NKAIN2: variants seen among roughly 807,000 people sequenced by gnomAD.
The protein encoded by NKAIN2 is sodium/potassium transporting ATPase interacting 2.
Under a neutral mutation model 32.6 loss-of-function variants are expected in NKAIN2, and 14 were observed. The ratio of observed to expected loss-of-function variants is 0.43; its 90% CI spans 0.28 to 0.67. The LOEUF (loss-of-function observed/expected upper bound fraction) is 0.67, where lower values mean the gene tolerates loss of function less well. NKAIN2 is among the 30% of genes least tolerant of loss of function. NKAIN2 has a pLI of 0.17. For synonymous variants in NKAIN2, 80 were observed against 87.2 expected (o/e 0.92, Z 0.46); for missense variants, 198 against 258.3 (o/e 0.77, Z 1.60).
At chr6:124,072,007 A>G (rs1456286876) in intron 1 of NKAIN2, among the ~76,000 whole-genome samples, 1 of 152,216 alleles carries the variant, frequency 6.6e-6, no homozygotes, top group Non-Finnish European at 1.5e-5. Context: ...TTTTTCTACC[A>G]AAATGACACA....
At chr6:124,416,838 C>T (rs916570976) in intron 3 of NKAIN2, among the ~76,000 whole-genome samples, 1 of 152,022 alleles carries the variant, frequency 6.6e-6, no homozygotes, top group African/African-American at 2.4e-5. Flanking sequence ...GGAGCCTGAA[C>T]TCCACCCTCA....
intron 5 of NKAIN2, among the ~76,000 whole-genome samples, chr6:124,795,962 T>C (rs897194259): frequency 1.3e-5 from 2 of 152,138 alleles, no homozygotes; most frequent in Admixed American, 6.5e-5. Context: ...TTTTTTTCCA[T>C]TGAAAAAAAT....
intron 5 of NKAIN2, among the ~76,000 whole-genome samples, chr6:124,795,137 A>G (rs1053559899): frequency 2.0e-5 from 3 of 152,178 alleles, no homozygotes; most frequent in Non-Finnish European, 4.4e-5. Context: ...TGCTTGCCAA[A>G]TTGGTTAAGT....
chr6:124,149,818 G>C (rs1312063734), intron 1 of NKAIN2, among the ~76,000 whole-genome samples: 4 of 147,668 alleles, frequency 2.7e-5, no homozygotes, highest in Non-Finnish European at 6.2e-5. Context: ...TGCAGTGTAA[G>C]AGCAGTTAGG....
chr6:124,794,411 T>C (rs146248399), intron 5 of NKAIN2, among the ~76,000 whole-genome samples: 1 of 152,302 alleles, frequency 6.6e-6, no homozygotes, highest in Non-Finnish European at 1.5e-5. Context: ...CAATATCTGT[T>C]GAAAGATCAA....
chr6:124,501,451 A>T (rs1778287363), intron 3 of NKAIN2, among the ~76,000 whole-genome samples: 1 of 152,206 alleles, frequency 6.6e-6, no homozygotes, highest in South Asian at 2.1e-4. Context: ...AGAAAGAAAA[A>T]AAACAAAACA....
chr6:124,363,283 TTAAAG>T (rs1411461032), intron 3 of NKAIN2, among the ~76,000 whole-genome samples: 1 of 152,198 alleles, frequency 6.6e-6, no homozygotes, highest in Non-Finnish European at 1.5e-5. Context: ...CAGAGATCTG[TTAAAG>T]TAATGACTAC....
intron 3 of NKAIN2, among the ~76,000 whole-genome samples, chr6:124,515,552 C>T (rs1346208585): frequency 1.3e-5 from 2 of 151,988 alleles, no homozygotes; most frequent in South Asian, 2.1e-4. Context: ...CAGCTCCCCC[C>T]AGGAAGGGCA....
chr6:123,969,635 G>T (rs575876115), intron 1 of NKAIN2, among the ~76,000 whole-genome samples: 30 of 152,276 alleles, frequency 2.0e-4, no homozygotes, highest in African/African-American at 6.3e-4. Context: ...GAAGAGAGTT[G>T]CACAGAGACC....
intron 1 of NKAIN2, among the ~76,000 whole-genome samples, chr6:123,998,457 G>A (rs1001842690): frequency 2.0e-5 from 3 of 152,094 alleles, no homozygotes; most frequent in Non-Finnish European, 2.9e-5. Flanking sequence ...AACTAGAACT[G>A]GAGAAAGCTG....
intron 1 of NKAIN2, among the ~76,000 whole-genome samples, chr6:124,175,810 T>C (rs776167608): frequency 2.6e-5 from 4 of 152,212 alleles, no homozygotes; most frequent in African/African-American, 4.8e-5. Context: ...AATAAACTTG[T>C]TGCTCCACCA....
chr6:124,243,255 G>A (rs1303880386), intron 1 of NKAIN2, among the ~76,000 whole-genome samples: 2 of 151,916 alleles, frequency 1.3e-5, no homozygotes, highest in African/African-American at 4.8e-5. Context: ...AGCACTTTGG[G>A]AGGCCCAGGC....
chr6:123,845,839 A>G (rs1021178199), intron 1 of NKAIN2, among the ~76,000 whole-genome samples: 4 of 152,212 alleles, frequency 2.6e-5, no homozygotes, highest in Non-Finnish European at 4.4e-5. Context: ...AAAGCGTTCC[A>G]AGTGAAAATG....
At chr6:124,095,784 G>A (rs796959882) in intron 1 of NKAIN2, among the ~76,000 whole-genome samples, 11 of 152,148 alleles carry the variant, frequency 7.2e-5, no homozygotes, top group African/African-American at 2.4e-4. Context: ...ATGTTTTTCT[G>A]TAAGCTGATT....
intron 1 of NKAIN2, among the ~76,000 whole-genome samples, chr6:124,016,578 T>C (rs1299307514): frequency 2.4e-4 from 37 of 152,184 alleles, no homozygotes; most frequent in Non-Finnish European, 5.4e-4. Flanking sequence ...AATTTCACTT[T>C]CTCTGAGCCT....
intron 4 of NKAIN2, among the ~76,000 whole-genome samples, chr6:124,723,798 C>T (rs143669658): frequency 1.1e-4 from 17 of 152,294 alleles, no homozygotes; most frequent in African/African-American, 3.8e-4. Flanking sequence ...GCTGATTTTG[C>T]TTCAGCAAAA....
At chr6:124,485,918 G>A (rs907963324) in intron 3 of NKAIN2, among the ~76,000 whole-genome samples, 46 of 152,182 alleles carry the variant, frequency 3.0e-4, no homozygotes, top group African/African-American at 1.1e-3. Flanking sequence ...AGGTCAGGGT[G>A]ATGACTGACT....
intron 3 of NKAIN2, among the ~76,000 whole-genome samples, chr6:124,551,409 C>T (rs1348426283): frequency 1.3e-5 from 2 of 152,184 alleles, no homozygotes; most frequent in Admixed American, 1.3e-4. Flanking sequence ...ATCTTCTCTA[C>T]GTTTTTCTTC....
chr6:124,475,039 C>T (rs80278662), intron 3 of NKAIN2, among the ~76,000 whole-genome samples: 83 of 151,012 alleles, frequency 5.5e-4, no homozygotes, highest in African/African-American at 1.7e-3. Context: ...TTGACTCAAC[C>T]GGATATAAAG....
Sources: allele counts gnomAD v4.1 joint callset (sites outside exome capture counted in the v4.1 genomes callset), GRCh38; gene constraint gnomAD v4.1.1; transcripts MANE v1.5; gene names NCBI Gene and HGNC (gene_info 2026-07-23, HGNC 2026-07-21).